The following ANK3 variants were observed in gnomAD, a reference collection of about 807,000 sequenced individuals.
ANK3 encodes ankyrin 3, also known as ankyrin-3.
In ANK3, 57 loss-of-function variants were observed where a neutral mutation model predicts 370.9. That is an observed-to-expected ratio of 0.15 (90% CI 0.12 to 0.19). The LOEUF is 0.19. Ranked by LOEUF, ANK3 falls within the 10% of genes least tolerant of loss-of-function variation. The probability of loss-of-function intolerance (pLI) is 1.00; values close to 1 mark genes in which losing one functional copy is unlikely to be tolerated. For missense variants in ANK3, 4,439 were observed against 5,302.1 expected (o/e 0.84, Z 5.06); for synonymous variants, 1,929 against 1,946.3 (o/e 0.99, Z 0.23).
intron 1 of ANK3, among the ~76,000 whole-genome samples, chr10:60,670,103 C>T (rs2079047344): frequency 6.6e-6 from 1 of 152,044 alleles, no homozygotes; most frequent in Non-Finnish European, 1.5e-5. Flanking sequence ...GGATTACAGG[C>T]ATGAACCACT....
chr10:60,647,970 C>T (rs1044492130), intron 1 of ANK3, among the ~76,000 whole-genome samples: 7 of 151,642 alleles, frequency 4.6e-5, no homozygotes, highest in Non-Finnish European at 1.0e-4. Context: ...GCCTCAGCCT[C>T]CCGAGTAGCT....
At position 60,203,047 on chromosome 10, in the gene ANK3, T is replaced by G; in HGVS notation, c.1347A>C (p.Val449=). Residue 449 remains valine (V), a synonymous_variant, in exon 12 of 44, where the codon GTA becomes GTC. Transcript: ENST00000280772. ...AGGCTCCATGATGCATTAGTTGTGATACAATATTTACATGCCCCATGAAGG... is the reference window on the plus strand; with the variant it reads ...AGGCTCCATGATGCATTAGTTGTGAGACAATATTTACATGCCCCATGAAGG... ...VAAFMGHVNI[V]SQLMHHGASP... 6.2e-7 allele frequency: 1 copy of G among 1,613,636 alleles called. No homozygotes were observed. The highest frequency in any genetic ancestry group is 8.5e-7 in the Non-Finnish European group (1 of 1,179,738).
intron 5 of ANK3, among the ~76,000 whole-genome samples, chr10:60,264,821 C>T (rs1052238774): frequency 7.2e-5 from 11 of 152,052 alleles, no homozygotes; most frequent in African/African-American, 2.4e-4. Flanking sequence ...AATTCATGAA[C>T]TGTACTCATT....
intron 25 of ANK3, among the ~76,000 whole-genome samples, chr10:60,127,787 CT>C (rs1190334714): frequency 1.3e-5 from 2 of 151,226 alleles, no homozygotes; most frequent in Non-Finnish European, 1.5e-5. Context: ...CAACCTCCAC[CT>C]ACTGGTTCAA....
chr10:60,454,638 A>T (rs1188451264), intron 2 of ANK3, among the ~76,000 whole-genome samples: 3 of 152,132 alleles, frequency 2.0e-5, no homozygotes, highest in Non-Finnish European at 4.4e-5. Flanking sequence ...CTGAAGTAGG[A>T]CATCCTGGGA....
At chr10:60,403,687 A>T (rs1344764117) in intron 2 of ANK3, among the ~76,000 whole-genome samples, 2 of 152,180 alleles carry the variant, frequency 1.3e-5, no homozygotes, top group Non-Finnish European at 2.9e-5. Context: ...TCCCGGGTTC[A>T]CACCATTCTC....
intron 26 of ANK3, among the ~76,000 whole-genome samples, chr10:60,112,251 CT>C (rs1157428226): frequency 6.6e-6 from 1 of 151,704 alleles, no homozygotes; most frequent in East Asian, 1.9e-4. Flanking sequence ...GGTTTCAGGT[CT>C]TTGAAATATG....
chr10:60,554,147 C>A (rs374260424), intron 2 of ANK3, among the ~76,000 whole-genome samples: 1 of 152,136 alleles, frequency 6.6e-6, no homozygotes. Context: ...TTTTCGGATA[C>A]ACCATAGCAC....
intron 1 of ANK3, among the ~76,000 whole-genome samples, chr10:60,661,189 G>A (rs1193656286): frequency 2.7e-5 from 4 of 150,848 alleles, no homozygotes; most frequent in Non-Finnish European, 4.4e-5. Flanking sequence ...TGTCAATGAC[G>A]GAACCATAAC....
At chr10:60,225,105 G>A (rs1371828561) in intron 8 of ANK3, among the ~76,000 whole-genome samples, 1 of 151,800 alleles carries the variant, frequency 6.6e-6, no homozygotes, top group African/African-American at 2.4e-5. Flanking sequence ...TAGAGATGGG[G>A]TTTCACCAAG....
chr10:60,541,378 C>G (rs1219920434), intron 2 of ANK3, among the ~76,000 whole-genome samples: 2 of 151,904 alleles, frequency 1.3e-5, no homozygotes, highest in African/African-American at 4.8e-5. Flanking sequence ...TAAGCTCAAT[C>G]TATGCCTGTG....
chr10:60,545,011 C>T (rs945186892), intron 2 of ANK3, among the ~76,000 whole-genome samples: 14 of 152,126 alleles, frequency 9.2e-5, no homozygotes, highest in Non-Finnish European at 1.8e-4. Context: ...TTGATTCTTC[C>T]CCGGAAGGCT....
intron 1 of ANK3, among the ~76,000 whole-genome samples, chr10:60,282,950 C>G (rs1481024395): frequency 6.6e-6 from 1 of 152,128 alleles, no homozygotes; most frequent in Non-Finnish European, 1.5e-5. Context: ...ATAAGTTCCT[C>G]CTTTTACTCT....
intron 2 of ANK3, among the ~76,000 whole-genome samples, chr10:60,469,856 C>G (rs2065172696): frequency 6.6e-6 from 1 of 151,314 alleles, no homozygotes; most frequent in African/African-American, 2.4e-5. Context: ...GAATCCGTGC[C>G]AATGAAACCC....
At chr10:60,572,148 G>GA (rs1021308249) in intron 2 of ANK3, among the ~76,000 whole-genome samples, 2 of 152,116 alleles carry the variant, frequency 1.3e-5, no homozygotes, top group East Asian at 1.9e-4. Flanking sequence ...ATTTAAAGGA[G>GA]AAAAAAACAC....
At chr10:60,607,214 C>T (rs1296233096) in intron 2 of ANK3, among the ~76,000 whole-genome samples, 1 of 152,078 alleles carries the variant, frequency 6.6e-6, no homozygotes, top group Non-Finnish European at 1.5e-5. Context: ...TGCTATGCAC[C>T]ATACTGGGTG....
intron 1 of ANK3, among the ~76,000 whole-genome samples, chr10:60,681,604 C>T (rs1163308556): frequency 2.0e-5 from 3 of 152,192 alleles, no homozygotes; most frequent in Middle Eastern, 3.2e-3. Flanking sequence ...ACTATGCCTT[C>T]CAGTAGTATC....
chr10:60,278,660 T>G, intron 4 of ANK3, 114 bp downstream of exon 4: 1 of 851,098 alleles, frequency 1.2e-6, no homozygotes, highest in Non-Finnish European at 1.9e-6. Context: ...TTTTTAAATA[T>G]AGTTCTTAAG....
chr10:60,074,350 A>G lies in ANK3; in HGVS notation c.6531T>C (p.Asp2177=). 6.2e-7 allele frequency: 1 copy of G among 1,613,988 alleles called. No homozygotes were observed. Among genetic ancestry groups the G allele is most frequent in the Non-Finnish European group, 8.5e-7 (1 of 1,179,964 alleles). ...TCTGGGGAACATCCCCAGCTGAGGG[A>G]TCATAGCTCCTGATAACATGAACCA... is the stretch of plus-strand genomic sequence containing the variant. ...TEVVHVIRSY[D]PSAGDVPQTQ... is the part of the protein sequence containing the mutation. Residue 2177 remains aspartate, a synonymous_variant, in exon 37 of 44, where the codon GAT becomes GAC. Coordinates refer to ENST00000280772, the MANE Select transcript of ANK3 (RefSeq NM_020987.5).
Sources: gnomAD v4.1 joint callset for allele counts (sites outside exome capture counted in the v4.1 genomes callset) on GRCh38, gnomAD v4.1.1 for gene constraint, MANE v1.5 for transcripts, NCBI Gene and HGNC (gene_info 2026-07-23, HGNC 2026-07-21) for gene names.